The following HMOX2 variants were observed in gnomAD, a reference collection of about 807,000 sequenced individuals.
The protein encoded by HMOX2 is heme oxygenase 2.
Under a neutral mutation model 33.7 loss-of-function variants are expected in HMOX2, and 30 were observed. That is an observed-to-expected ratio of 0.89 (90% CI 0.67 to 1.21). The LOEUF is 1.21. Among genes scored for constraint, HMOX2 ranks in the 50% most tolerant of loss-of-function variants. The probability of loss-of-function intolerance (pLI) is 0.00; values close to 1 mark genes in which losing one functional copy is unlikely to be tolerated. For missense variants in HMOX2, 403 were observed against 399.1 expected (o/e 1.01, Z -0.08); for synonymous variants, 155 against 155.0 (o/e 1.00, Z 0.00).
intron 1 of HMOX2, among the ~76,000 whole-genome samples, chr16:4,491,011 C>T (rs980832274): frequency 4.6e-5 from 7 of 152,216 alleles, no homozygotes; most frequent in South Asian, 2.1e-4. Flanking sequence ...CAGTAGCACA[C>T]TCCCGTCTTT....
chr16:4,507,187 G>A (rs1225314410), intron 3 of HMOX2, among the ~76,000 whole-genome samples, 175 bp downstream of exon 3: 3 of 152,152 alleles, frequency 2.0e-5, no homozygotes, highest in African/African-American at 4.8e-5. Context: ...GCTCATGTCT[G>A]TAATCCCAGC....
chr16:4,494,208 C>G (rs1057176644), intron 1 of HMOX2, among the ~76,000 whole-genome samples: 52 of 151,466 alleles, frequency 3.4e-4, no homozygotes, highest in Admixed American at 6.6e-4. Context: ...CTCAGCTACT[C>G]AGGAGGCTGA....
At chr16:4,475,257 C>G (rs1247421581), upstream of HMOX2, among the ~76,000 whole-genome samples, 2 of 151,428 alleles carry the variant, frequency 1.3e-5, no homozygotes, top group African/African-American at 4.8e-5. Flanking sequence ...CCAGCCCTAA[C>G]TCACTTCTGA....
intron 1 of HMOX2, among the ~76,000 whole-genome samples, chr16:4,480,889 G>A (rs2058009023): frequency 6.6e-6 from 1 of 150,746 alleles, no homozygotes; most frequent in African/African-American, 2.4e-5. Flanking sequence ...TCTGATGTCA[G>A]GTGATCCACC....
intron 1 of HMOX2, among the ~76,000 whole-genome samples, chr16:4,483,998 G>T (rs550121393): frequency 2.7e-4 from 31 of 115,002 alleles, no homozygotes; most frequent in East Asian, 2.0e-3. Context: ...TTTTTGAGAC[G>T]GAGTCTTGCT....
chr16:4,494,876 A>G (rs1485354740), intron 1 of HMOX2, among the ~76,000 whole-genome samples: 1 of 146,506 alleles, frequency 6.8e-6, no homozygotes, highest in South Asian at 2.2e-4. Flanking sequence ...GAGACTGTCT[A>G]AAAAAAAAAA....
intron 1 of HMOX2, among the ~76,000 whole-genome samples, chr16:4,486,635 T>G (rs925210210): frequency 1.3e-5 from 2 of 152,188 alleles, no homozygotes; most frequent in Admixed American, 6.6e-5. Context: ...GCCAGAAAAC[T>G]CTGGGCAGGT....
At position 4,508,016 on chromosome 16, in the gene HMOX2, G is replaced by A. The variant is rs1307360635; in HGVS notation, c.508G>A (p.Val170Met). Residue 170 changes from valine (V) to methionine (M), a missense_variant, in exon 4 of 6, where the codon GTG becomes ATG. By Grantham distance (21) the Val-to-Met change is conservative (BLOSUM62 1). Coordinates refer to ENST00000570646, the MANE Select transcript of HMOX2 (RefSeq NM_002134.4). ...CTCGGGGGGCCAGGTGCTGAAGAAG[G>A]TGGCCCAGCGAGCACTGAAACTCCC... ...DLSGGQVLKK[V>M]AQRALKLPST... 2.5e-6 allele frequency: 4 copies of A among 1,613,920 alleles called. No homozygotes were observed. Among genetic ancestry groups the A allele is most frequent in the Non-Finnish European group, 3.4e-6 (4 of 1,180,008 alleles).
chr16:4,496,153 C>G (rs2058415013), intron 1 of HMOX2: 1 of 146,532 alleles, frequency 6.8e-6, no homozygotes, highest in Non-Finnish European at 1.5e-5. Context: ...TAGATGGAGT[C>G]TCGCTCTGTT....
In HMOX2 at chr16:4,509,813, T is replaced by C; in HGVS notation, c.*57T>C. ...CCCGACTGACCACTGGCCTACCCCTTTCTCCAGCCCTGACTAAACTACCAC... is the reference window on the plus strand; with the variant it reads ...CCCGACTGACCACTGGCCTACCCCTCTCTCCAGCCCTGACTAAACTACCAC... On this transcript the variant is annotated 3_prime_UTR_variant, in exon 6 of 6. Transcript: ENST00000570646. The C allele has an allele frequency of 6.4e-7, 1 of 1,563,432 alleles. No homozygotes were observed. The highest frequency in any genetic ancestry group is 8.7e-7 in the Non-Finnish European group (1 of 1,148,806).
intron 1 of HMOX2, chr16:4,483,574 G>A (rs1163915898): frequency 6.6e-6 from 1 of 152,128 alleles, no homozygotes; most frequent in Admixed American, 6.6e-5. Context: ...CTCTGTGCCA[G>A]GAACCTAGGG....
At chr16:4,474,862 G>A (rs189929955), upstream of HMOX2, 1 of 152,334 alleles carries the variant, frequency 6.6e-6, no homozygotes, top group Non-Finnish European at 1.5e-5. Flanking sequence ...TGGGCGTCAG[G>A]CAAAGATAAT....
chr16:4,475,059 C>A (rs375911986), upstream of HMOX2, among the ~76,000 whole-genome samples: 1 of 152,006 alleles, frequency 6.6e-6, no homozygotes, highest in East Asian at 1.9e-4. Flanking sequence ...TCAAGAGATT[C>A]TCCTGCCTCA....
chr16:4,506,974 G>A lies in HMOX2; in HGVS notation c.166G>A (p.Asp56Asn). 1.2e-6 allele frequency: 2 copies of A among 1,613,842 alleles called. No individual in the cohort carries two copies. The highest frequency in any genetic ancestry group is 2.2e-5 in the South Asian group (2 of 91,072). ...GGCAGAAAACACCCAGTTTGTCAAGGACTTCTTGAAAGGCAACATTAAGAA... is the reference window on the plus strand; with the variant it reads ...GGCAGAAAACACCCAGTTTGTCAAGAACTTCTTGAAAGGCAACATTAAGAA... The part of the protein sequence containing the change: ...DRAENTQFVK[D>N]FLKGNIKKEL... The change falls in exon 3 of 6, where the codon GAC (aspartate) becomes AAC (asparagine). Residue 56 changes from aspartate (D) to asparagine (N), a missense_variant. By Grantham distance (23) the Asp-to-Asn change is conservative. Transcript: ENST00000570646.
rs1488698482 is a variant in HMOX2, at chr16:4,507,955, G to A, written c.447G>A (p.Leu149=). 1.2e-6 allele frequency: 2 copies of A among 1,613,998 alleles called. No individual in the cohort carries two copies. Among genetic ancestry groups the A allele is most frequent in the South Asian group, 1.1e-5 (1 of 91,070 alleles). The change falls in exon 4 of 6, where the codon CTG becomes CTA. Residue 149 remains leucine (L), a synonymous_variant. Coordinates refer to ENST00000570646, the MANE Select transcript of HMOX2 (RefSeq NM_002134.4). ...TAGGGCAGAACGAGCCGGAGCTACTGGTGGCCCATGCATACACCCGCTACA... is the reference window on the plus strand; with the variant it reads ...TAGGGCAGAACGAGCCGGAGCTACTAGTGGCCCATGCATACACCCGCTACA... ...HYIGQNEPEL[L]VAHAYTRYMG...
intron 2 of HMOX2, among the ~76,000 whole-genome samples, chr16:4,505,926 G>A (rs1238251000): frequency 1.3e-5 from 2 of 152,188 alleles, no homozygotes; most frequent in African/African-American, 4.8e-5. Context: ...GGTAAACGCA[G>A]GCAAAGCTGG....
At chr16:4,484,950 G>GT (rs910298935) in intron 1 of HMOX2, among the ~76,000 whole-genome samples, 97 of 148,222 alleles carry the variant, frequency 6.5e-4, no homozygotes, top group Non-Finnish European at 9.7e-4. Context: ...GCCATCTGTT[G>GT]TTTTTTTTTT....
At chr16:4,485,440 G>A (rs2058143547) in intron 1 of HMOX2, among the ~76,000 whole-genome samples, 2 of 152,202 alleles carry the variant, frequency 1.3e-5, no homozygotes, top group Non-Finnish European at 2.9e-5. Context: ...GGAGCTGGTA[G>A]TAACTGTGGG....
chr16:4,484,886 C>T (rs2058127778), intron 1 of HMOX2, among the ~76,000 whole-genome samples: 1 of 151,680 alleles, frequency 6.6e-6, no homozygotes, highest in Non-Finnish European at 1.5e-5. Flanking sequence ...TATACTGTAT[C>T]GTTTAGGTAA....
Sources: gnomAD v4.1 joint callset for allele counts (sites outside exome capture counted in the v4.1 genomes callset) on GRCh38, gnomAD v4.1.1 for gene constraint, MANE v1.5 for transcripts, NCBI Gene and HGNC (gene_info 2026-07-23, HGNC 2026-07-21) for gene names.